The following NCOA1 variants were observed in gnomAD, a reference collection of about 807,000 sequenced individuals.
The protein encoded by NCOA1 is Hin-2 protein.
NCOA1 carries 35 observed loss-of-function variants against 150.9 expected under a neutral mutation model. That is an observed-to-expected ratio of 0.23 (90% CI 0.18 to 0.31). The LOEUF (loss-of-function observed/expected upper bound fraction) is 0.31, where lower values mean the gene tolerates loss of function less well. NCOA1 is among the 10% of genes least tolerant of loss of function. The probability of loss-of-function intolerance (pLI) is 1.00; values close to 1 mark genes in which losing one functional copy is unlikely to be tolerated. For synonymous variants in NCOA1, 590 were observed against 630.0 expected, an observed-to-expected ratio of 0.94 and a Z score of 0.95; for missense variants, 1,491 against 1,749.3, an observed-to-expected ratio of 0.85 and a Z score of 2.63.
At chr2:24,726,769 T>C (rs1674647135) in intron 15 of NCOA1, 63 bp downstream of exon 15, 1 of 979,230 alleles carries the variant, frequency 1.0e-6, no homozygotes, top group African/African-American at 1.7e-5. Flanking sequence ...GAGAACTATT[T>C]TTTCCAAACT....
chr2:24,547,746 T>C (rs1373532527), intron 1 of NCOA1, among the ~76,000 whole-genome samples: 2 of 151,688 alleles, frequency 1.3e-5, no homozygotes, highest in East Asian at 3.9e-4. Flanking sequence ...CCCAACACTT[T>C]AGGAGGCCGA....
chr2:24,566,445 A>G (rs990389991), intron 2 of NCOA1, among the ~76,000 whole-genome samples: 3 of 152,056 alleles, frequency 2.0e-5, no homozygotes, highest in Admixed American at 6.5e-5. Flanking sequence ...GCTCCTCTCC[A>G]CAGCTGGTCA....
chr2:24,529,007 C>T (rs965406695), intron 1 of NCOA1, among the ~76,000 whole-genome samples: 3 of 152,160 alleles, frequency 2.0e-5, no homozygotes, highest in African/African-American at 7.2e-5. Flanking sequence ...CTGCCTCAGC[C>T]TCCCAGGTAG....
chr2:24,673,309 C>A lies in NCOA1; in HGVS notation c.257-57C>A, dbSNP rs905729757. 7 of 1,257,030 alleles carry A rather than the reference C, an allele frequency of 5.6e-6. No individual in the cohort carries two copies. In the African/African-American group the frequency reaches 1.1e-4, roughly 20 times the overall value. 77.9% of individuals were successfully genotyped at this position (1,257,030 alleles called of 1,614,324 possible). A position where few individuals can be genotyped will look rare whatever the true frequency, so the allele number is the denominator to read the frequency against. On this transcript the variant is annotated intron_variant, in intron 6 of 22. Coordinates refer to ENST00000348332, the MANE Select transcript of NCOA1 (RefSeq NM_003743.5). ...TGGATCTATGTCTTCGTAAACTTGA[C>A]TTTATGGAAATAAGCTCTTTTCAGA...
rs1183405187 is a variant in NCOA1, at chr2:24,576,149, G to GTTTTTTTTTTTTTTTTTTTTTTTTT, written c.-259-8314_-259-8313insTTTTTTTTTTTTTTTTTTTTTTTTT. On this transcript the variant is annotated intron_variant, in intron 2 of 22. Transcript: ENST00000348332. Reference sequence around the variant, plus strand: ...GAGTTTCAGAAATTATTTGGCCTTTGTTTTTTTTTTTTTGTTTTTTGTTTT... The same window carrying GTTTTTTTTTTTTTTTTTTTTTTTTT: ...GAGTTTCAGAAATTATTTGGCCTTTGTTTTTTTTTTTTTTTTTTTTTTTTTTTTTTTTTTTTTTGTTTTTTGTTTT... 3.8e-4 allele frequency among the ~76,000 whole-genome samples: 36 copies of GTTTTTTTTTTTTTTTTTTTTTTTTT among 94,004 alleles called. 4 individuals are homozygous for GTTTTTTTTTTTTTTTTTTTTTTTTT. The highest frequency in any genetic ancestry group is 4.6e-4 in the Admixed American group (4 of 8,682). The allele number at this position is 94,004 out of a possible 152,430, so 61.7% of individuals were successfully genotyped here.
At position 24,769,885 on chromosome 2, in the gene NCOA1, C is replaced by T. The variant is rs537712197; in HGVS notation, c.*1494C>T. ...TCCCTGGGCCTGTGAATGATGACAG[C>T]ACCTGACATTCTGCACCAGCTACCT... On this transcript the variant is annotated 3_prime_UTR_variant, in exon 23 of 23. Transcript: ENST00000348332. 78 of 225,406 alleles carry T rather than the reference C, an allele frequency of 3.5e-4. No homozygotes were observed. The highest frequency in any genetic ancestry group is 1.7e-3 in the African/African-American group (75 of 44,978). The allele number at this position is 225,406 out of a possible 1,614,324, so 14.0% of individuals were successfully genotyped here. A position where few individuals can be genotyped will look rare whatever the true frequency, so the allele number is the denominator to read the frequency against.
rs1348090948 is a variant in NCOA1 at position 24,575,349 on chromosome 2, A to G, written c.-259-9127A>G. Among the ~76,000 whole-genome samples the G allele has an allele frequency of 3.3e-5, 5 of 152,084 alleles. No individual in the cohort carries two copies. In the East Asian group the frequency reaches 7.7e-4, roughly 23 times the overall value. The stretch of plus-strand genomic sequence containing the variant: ...AAACAGTCTTGCATTTCTGTGTTCA[A>G]CACTTCCATATCTTTTTCTGCTTTC... On this transcript the variant is annotated intron_variant, in intron 2 of 22. Coordinates refer to ENST00000348332, the MANE Select transcript of NCOA1 (RefSeq NM_003743.5).
At position 24,610,951 on chromosome 2, in the gene NCOA1, A is replaced by T. The variant is rs879822195; in HGVS notation, c.-175+26391A>T. Among the ~76,000 whole-genome samples the T allele has an allele frequency of 1.6e-3, 236 of 152,130 alleles. 1 individual carries two copies. The highest frequency in any genetic ancestry group is 5.1e-3 in the African/African-American group (211 of 41,496). On this transcript the variant is annotated intron_variant, in intron 3 of 22. Coordinates refer to ENST00000348332, the MANE Select transcript of NCOA1 (RefSeq NM_003743.5). The stretch of plus-strand genomic sequence containing the variant: ...ACTTGAAATTCTCCCCTTTTAAAAA[A>T]TTTTTTAACTTTTATTTTAGATTCA...
intron 1 of NCOA1, among the ~76,000 whole-genome samples, chr2:24,522,348 G>T (rs1664451489): frequency 1.3e-5 from 2 of 152,134 alleles, no homozygotes; most frequent in South Asian, 4.1e-4. Context: ...AAAGAATAGA[G>T]TCATTCATTC....
chr2:24,652,135 C>A (rs1039024054), intron 4 of NCOA1, among the ~76,000 whole-genome samples: 15 of 152,040 alleles, frequency 9.9e-5, no homozygotes, highest in African/African-American at 3.6e-4. Context: ...ACCTAAATAT[C>A]CATCCACTGG....
At chr2:24,717,579 TATAA>T (rs1418392690) in intron 14 of NCOA1, among the ~76,000 whole-genome samples, 2 of 152,220 alleles carry the variant, frequency 1.3e-5, no homozygotes, top group Non-Finnish European at 2.9e-5. Flanking sequence ...TCATATCATG[TATAA>T]ATAAATGTAC....
chr2:24,682,638 A>G (rs902985523), intron 7 of NCOA1, among the ~76,000 whole-genome samples: 1 of 151,980 alleles, frequency 6.6e-6, no homozygotes, highest in African/African-American at 2.4e-5. Flanking sequence ...TCTTCCTTCA[A>G]TCCTCTTCCT....
intron 14 of NCOA1, among the ~76,000 whole-genome samples, chr2:24,721,899 T>A (rs1399218147): frequency 3.9e-5 from 6 of 152,236 alleles, no homozygotes; most frequent in Non-Finnish European, 8.8e-5. Flanking sequence ...CTTTCAGAAA[T>A]TCTTCGTTGT....
Position 24,491,523 on chromosome 2 carries a change from C to CCCA in NCOA1, c.-475_-474insCCA. ...CCGCGGCGCCGGGCCCGAGGAGCGG[C>CCCA]GGAGGCCGGGGCGGCGCCGCCGCCA... On this transcript the variant is annotated 5_prime_UTR_variant, in exon 1 of 23. Transcript: ENST00000348332. 6.8e-6 allele frequency among the ~76,000 whole-genome samples: 1 copy of CCCA among 147,018 alleles called. No individual in the cohort carries two copies. Among genetic ancestry groups the CCCA allele is most frequent in the African/African-American group, 2.5e-5 (1 of 40,770 alleles).
chr2:24,723,916 G>C (rs150904722), intron 14 of NCOA1, among the ~76,000 whole-genome samples: 9 of 152,250 alleles, frequency 5.9e-5, no homozygotes, highest in Admixed American at 1.3e-4. Flanking sequence ...AAAATCAGTA[G>C]ATACTAAATC....
At chr2:24,552,788 G>C (rs1311685804) in intron 1 of NCOA1, among the ~76,000 whole-genome samples, 1 of 152,058 alleles carries the variant, frequency 6.6e-6, no homozygotes, top group African/African-American at 2.4e-5. Context: ...ACTACCACTA[G>C]AAGTACAATG....
intron 19 of NCOA1, among the ~76,000 whole-genome samples, chr2:24,743,217 G>C (rs1419302837): frequency 1.3e-5 from 2 of 152,154 alleles, no homozygotes; most frequent in African/African-American, 4.8e-5. Context: ...TAAATTTTAA[G>C]GCTGCTTAAA....
chr2:24,619,256 A>T (rs1164261663), intron 3 of NCOA1, among the ~76,000 whole-genome samples: 2 of 152,306 alleles, frequency 1.3e-5, no homozygotes, highest in Admixed American at 1.3e-4. Context: ...TTTGTTTTAG[A>T]CTTAAAATTA....
At chr2:24,656,087 C>CAAAA (rs58446937) in intron 4 of NCOA1, among the ~76,000 whole-genome samples, 6 of 62,018 alleles carry the variant, frequency 9.7e-5, no homozygotes, top group South Asian at 5.2e-4. Context: ...GACTCCGTCT[C>CAAAA]AAAAAAAAAA....
Sources: gnomAD v4.1 joint callset for allele counts (sites outside exome capture counted in the v4.1 genomes callset) on GRCh38, gnomAD v4.1.1 for gene constraint, MANE v1.5 for transcripts, NCBI Gene and HGNC (gene_info 2026-07-23, HGNC 2026-07-21) for gene names.